MEGF9: variants seen among roughly 807,000 people sequenced by gnomAD.
MEGF9 encodes the protein multiple EGF like domains 9.
A neutral mutation model predicts 46.8 loss-of-function variants in MEGF9; 6 were observed. The ratio of observed to expected loss-of-function variants is 0.13; its 90% CI spans 0.07 to 0.25. The LOEUF (loss-of-function observed/expected upper bound fraction) is 0.25. Ranked by LOEUF, MEGF9 falls within the 10% of genes least tolerant of loss-of-function variation. MEGF9 has a pLI of 1.00. For missense variants in MEGF9, 683 were observed against 792.4 expected, an observed-to-expected ratio of 0.86 and a Z score of 1.66; for synonymous variants, 302 against 330.7, an observed-to-expected ratio of 0.91 and a Z score of 0.94.
Position 120,622,766 on chromosome 9 carries a change from A to G in MEGF9, c.804-11T>C, listed in dbSNP as rs751517855. On this transcript the variant is annotated splice_polypyrimidine_tract_variant and intron_variant, in intron 2 of 5. Coordinates refer to ENST00000373930, the MANE Select transcript of MEGF9 (RefSeq NM_001080497.3). ...TGGCATTTCCCAGAACTGCAAATAAAAGCAAAGACAATGAATAAAAGTAAA... is the reference window on the plus strand; with the variant it reads ...TGGCATTTCCCAGAACTGCAAATAAGAGCAAAGACAATGAATAAAAGTAAA... The G allele has an allele frequency of 6.2e-7, 1 of 1,611,956 alleles. No individual in the cohort carries two copies. Among genetic ancestry groups the G allele is most frequent in the Non-Finnish European group, 8.5e-7 (1 of 1,178,968 alleles).
At chr9:120,713,554 G>C (rs1316419567) in intron 1 of MEGF9, among the ~76,000 whole-genome samples, 1 of 152,178 alleles carries the variant, frequency 6.6e-6, no homozygotes, top group Non-Finnish European at 1.5e-5. Flanking sequence ...CCTCCCGAGG[G>C]AGCACAGCCC....
rs768015830 is a variant in MEGF9 at position 120,713,962 on chromosome 9, T to G, written c.397A>C (p.Thr133Pro). ...SPTTPPAAER[T>P]STTSQAPTRP... ...GTCGGCGCCTGAGAGGTGGTCGAAG[T>G]GCGTTCCGCCGCCGGAGGGGTGGTC... The change falls in exon 1 of 6, where the codon ACT becomes CCT. Residue 133 changes from threonine (T) to proline (P), a missense_variant. Physicochemically the swap from Thr to Pro is conservative, Grantham distance 38 (BLOSUM62 -1). This residue lies in a region of MEGF9 where 370 missense variants were observed against 371.3 expected (regional missense o/e 1.00). Transcript: ENST00000373930. 1 of 1,379,454 alleles carries G rather than the reference T, an allele frequency of 7.2e-7. No individual in the cohort carries two copies. Among genetic ancestry groups the G allele is most frequent in the Non-Finnish European group, 9.4e-7 (1 of 1,062,680 alleles). The allele number at this position is 1,379,454 out of a possible 1,614,324, so 85.5% of individuals were successfully genotyped here.
At chr9:120,632,618 C>T (rs1467270314) in intron 2 of MEGF9, among the ~76,000 whole-genome samples, 1 of 152,104 alleles carries the variant, frequency 6.6e-6, no homozygotes, top group Non-Finnish European at 1.5e-5. Flanking sequence ...CTGGCTAGCA[C>T]TTCTGGTATT....
chr9:120,610,116 G>C (rs76362564), intron 4 of MEGF9, among the ~76,000 whole-genome samples: 2,440 of 152,142 alleles, frequency 0.016, 60 homozygotes, highest in African/African-American at 0.055. Context: ...AATTAAACCA[G>C]AAATACTTAG....
chr9:120,712,021 C>G (rs529400345), intron 1 of MEGF9, among the ~76,000 whole-genome samples: 30 of 152,264 alleles, frequency 2.0e-4, no homozygotes, highest in African/African-American at 7.2e-4. Context: ...CTTTGGGAGG[C>G]CGAGGCAGGA....
intron 1 of MEGF9, among the ~76,000 whole-genome samples, chr9:120,707,606 A>C (rs751272759): frequency 6.6e-6 from 1 of 152,218 alleles, no homozygotes; most frequent in Non-Finnish European, 1.5e-5. Flanking sequence ...GACAGTTTGT[A>C]TTTCCTTAAA....
intron 2 of MEGF9, among the ~76,000 whole-genome samples, chr9:120,630,057 C>CT (rs2043543925): frequency 6.6e-6 from 1 of 152,082 alleles, no homozygotes; most frequent in Admixed American, 6.6e-5. Context: ...GCTGAGTAGC[C>CT]TTTTTTGCTA....
At chr9:120,709,504 A>G (rs2043943296) in intron 1 of MEGF9, among the ~76,000 whole-genome samples, 1 of 152,196 alleles carries the variant, frequency 6.6e-6, no homozygotes, top group Admixed American at 6.5e-5. Context: ...GATCAGTTGA[A>G]GGAGCTGAAA....
intron 3 of MEGF9, among the ~76,000 whole-genome samples, chr9:120,621,480 T>C (rs1481684392): frequency 1.3e-5 from 2 of 152,236 alleles, no homozygotes; most frequent in Non-Finnish European, 2.9e-5. Context: ...AATTCACATG[T>C]TGTATTTTTC....
chr9:120,617,977 A>G (rs949238059), intron 3 of MEGF9, among the ~76,000 whole-genome samples: 2 of 152,222 alleles, frequency 1.3e-5, no homozygotes, highest in Non-Finnish European at 2.9e-5. Context: ...ATAAGTTGAA[A>G]AAAAAGTTGT....
At chr9:120,677,040 G>A (rs1478087403) in intron 1 of MEGF9, among the ~76,000 whole-genome samples, 11 of 152,018 alleles carry the variant, frequency 7.2e-5, no homozygotes. Context: ...TTAAAAGAAG[G>A]GGAGGAGATA....
At chr9:120,652,181 C>A (rs7856272) in intron 2 of MEGF9, among the ~76,000 whole-genome samples, 4,704 of 9,102 alleles carry the variant, frequency 0.52, 1,209 homozygotes, top group Non-Finnish European at 0.59. Context: ...CACACACACA[C>A]AAAAAAAAAA....
rs2043412703 is a variant in MEGF9, at chr9:120,604,767, T to A, written c.*423A>T. The A allele has an allele frequency of 5.6e-6, 1 of 178,708 alleles. No individual in the cohort carries two copies. Among genetic ancestry groups the A allele is most frequent in the Non-Finnish European group, 1.2e-5 (1 of 82,486 alleles). The allele number at this position is 178,708 out of a possible 1,614,324, so 11.1% of individuals were successfully genotyped here. ...CTTTTGTATAGTAAAACGAATATAA[T>A]CCCTGACACTGTTTTAAAAAAAATG... On this transcript the variant is annotated 3_prime_UTR_variant, in exon 6 of 6. Transcript: ENST00000373930.
rs545193178 is a variant in MEGF9 at position 120,671,739 on chromosome 9, C to T, written c.602-12164G>A. Among the ~76,000 whole-genome samples, 10 of 152,238 alleles carry T rather than the reference C, an allele frequency of 6.6e-5. No individual in the cohort carries two copies. In the South Asian group the frequency reaches 1.5e-3, roughly 22 times the overall value. ...TGTCTTCCAGATAACAGAAGAGGTA[C>T]GAATCCTTTCCAATTAATTCTATAA... On this transcript the variant is annotated intron_variant, in intron 1 of 5. Coordinates refer to ENST00000373930, the MANE Select transcript of MEGF9 (RefSeq NM_001080497.3).
intron 1 of MEGF9, among the ~76,000 whole-genome samples, chr9:120,666,569 C>T (rs988569285): frequency 6.6e-6 from 1 of 152,180 alleles, no homozygotes; most frequent in Admixed American, 6.5e-5. Flanking sequence ...AGTAGAGACA[C>T]TTTGGAAAAC....
chr9:120,645,249 C>T (rs1366217228), intron 2 of MEGF9, among the ~76,000 whole-genome samples: 2 of 152,182 alleles, frequency 1.3e-5, no homozygotes, highest in African/African-American at 4.8e-5. Context: ...CCGGCTTACA[C>T]AATGAGATGT....
chr9:120,711,138 G>A (rs10984992), intron 1 of MEGF9, among the ~76,000 whole-genome samples: 90,313 of 152,108 alleles, frequency 0.59, 29,311 homozygotes, highest in South Asian at 0.75. Flanking sequence ...TCCAGTGAAA[G>A]TATTAGAGAA....
intron 1 of MEGF9, among the ~76,000 whole-genome samples, chr9:120,689,034 A>G (rs2043836584): frequency 6.6e-6 from 1 of 152,240 alleles, no homozygotes; most frequent in Non-Finnish European, 1.5e-5. Context: ...ACAATGAGAA[A>G]GACAGACGTG....
intron 1 of MEGF9, among the ~76,000 whole-genome samples, chr9:120,667,078 T>A (rs143863853): frequency 2.6e-4 from 39 of 152,326 alleles, no homozygotes; most frequent in Admixed American, 2.4e-3. Flanking sequence ...TTTTAAAATA[T>A]GCAAAAAAAT....
Sources: allele counts gnomAD v4.1 joint callset (sites outside exome capture counted in the v4.1 genomes callset), GRCh38; gene constraint gnomAD v4.1.1; regional missense constraint gnomAD v4.1.1; transcripts MANE v1.5; gene names NCBI Gene and HGNC (gene_info 2026-07-23, HGNC 2026-07-21).